CALN1: variants seen among roughly 807,000 people sequenced by gnomAD.
CALN1 encodes the protein calcium-binding protein 8.
Under a neutral mutation model 30.6 loss-of-function variants are expected in CALN1, and 17 were observed. That is an observed-to-expected ratio of 0.56 (90% CI 0.38 to 0.83). The LOEUF is 0.83. Among genes scored for constraint, CALN1 ranks in the 40% least tolerant of loss-of-function variants. CALN1 has a pLI of 0.00. For missense variants in CALN1, 291 were observed against 354.9 expected (o/e 0.82, Z 1.45); for synonymous variants, 156 against 131.4 (o/e 1.19, Z -1.28).
At chr7:72,078,606 C>T (rs563304203) in intron 4 of CALN1, among the ~76,000 whole-genome samples, 17 of 152,206 alleles carry the variant, frequency 1.1e-4, no homozygotes, top group African/African-American at 2.9e-4. Flanking sequence ...GGAGAGGAAC[C>T]GAGAAGGGCC....
At chr7:71,858,139 G>T (rs776321091) in intron 5 of CALN1, among the ~76,000 whole-genome samples, 4 of 152,114 alleles carry the variant, frequency 2.6e-5, no homozygotes, top group Non-Finnish European at 4.4e-5. Context: ...CATGGGGGTG[G>T]TTACCTCCAT....
chr7:72,365,012 A>C (rs1329623234), intron 2 of CALN1, among the ~76,000 whole-genome samples: 1 of 151,668 alleles, frequency 6.6e-6, no homozygotes, highest in Non-Finnish European at 1.5e-5. Flanking sequence ...TCTACTAAAA[A>C]TATAAAAATT....
intron 2 of CALN1, among the ~76,000 whole-genome samples, chr7:72,374,440 A>G (rs1804422924): frequency 1.3e-5 from 2 of 151,686 alleles, no homozygotes; most frequent in African/African-American, 4.8e-5. Flanking sequence ...GAGGAAGGAG[A>G]ATAGCTTGAA....
chr7:72,102,951 T>G (rs182720160), intron 4 of CALN1, among the ~76,000 whole-genome samples: 1 of 151,838 alleles, frequency 6.6e-6, no homozygotes, highest in East Asian at 1.9e-4. Context: ...TGGGCACCTG[T>G]AGGCCCAGCT....
chr7:72,344,142 A>G (rs902844418), intron 2 of CALN1, among the ~76,000 whole-genome samples: 31 of 152,220 alleles, frequency 2.0e-4, no homozygotes, highest in African/African-American at 7.5e-4. Flanking sequence ...AGGGAGAAAA[A>G]GAGAGGTTCC....
chr7:72,403,454 T>C lies in CALN1; in HGVS notation c.-73-12A>G. On this transcript the variant is annotated splice_polypyrimidine_tract_variant and intron_variant, in intron 1 of 6. Coordinates refer to ENST00000395275, the MANE Select transcript of CALN1 (RefSeq NM_031468.4). ...AAGGCACTGAGACTCTGAAAGGAGT[T>C]GACAGAAACTTACAGCCTGCACAGT... 3 of 1,093,892 alleles carry C rather than the reference T, an allele frequency of 2.7e-6. No homozygotes were observed. The highest frequency in any genetic ancestry group is 3.9e-6 in the Non-Finnish European group (3 of 767,852). 67.8% of individuals were successfully genotyped at this position (1,093,892 alleles called of 1,614,324 possible).
At chr7:71,788,041 T>A in intron 6 of CALN1, 139 bp from the exon 7 acceptor site, 1 of 1,151,622 alleles carries the variant, frequency 8.7e-7, no homozygotes, top group African/African-American at 1.5e-5. Context: ...ACTGGTCAAA[T>A]CAAGTTGACA....
intron 3 of CALN1, among the ~76,000 whole-genome samples, chr7:72,231,561 T>C (rs931823569): frequency 6.6e-6 from 1 of 152,226 alleles, no homozygotes; most frequent in Non-Finnish European, 1.5e-5. Context: ...TTCCATGTCT[T>C]TGCTGTTGTG....
At chr7:72,153,672 A>G (rs1787440616) in intron 3 of CALN1, among the ~76,000 whole-genome samples, 1 of 151,912 alleles carries the variant, frequency 6.6e-6, no homozygotes, top group South Asian at 2.1e-4. Context: ...CAGAGTGAGA[A>G]CCTGTCTCTA....
At chr7:72,377,627 T>TTTTGTAAAGTCTGTATTA (rs1299038780) in intron 2 of CALN1, among the ~76,000 whole-genome samples, 1 of 152,234 alleles carries the variant, frequency 6.6e-6, no homozygotes, top group Non-Finnish European at 1.5e-5. Context: ...TCTGAACTAA[T>TTTTGTAAAGTCTGTATTA]TTTGTAAAGT....
At chr7:71,806,273 C>CAA (rs1554341707) in intron 6 of CALN1, among the ~76,000 whole-genome samples, 11 of 149,894 alleles carry the variant, frequency 7.3e-5, no homozygotes, top group African/African-American at 2.7e-4. Flanking sequence ...CACACACAAA[C>CAA]ACACACACAC....
At chr7:71,898,014 G>GA (rs1562882185) in intron 5 of CALN1, among the ~76,000 whole-genome samples, 861 of 79,632 alleles carry the variant, frequency 0.011, 22 homozygotes, top group African/African-American at 0.05. Context: ...GGAGGGAGGG[G>GA]GGGGGAGAGA....
chr7:72,092,759 A>C (rs1294150322), intron 4 of CALN1, among the ~76,000 whole-genome samples: 1 of 152,078 alleles, frequency 6.6e-6, no homozygotes. Context: ...CCCTTTGATA[A>C]TAATCATGGC....
intron 4 of CALN1, among the ~76,000 whole-genome samples, chr7:72,094,694 G>C (rs909905565): frequency 2.6e-5 from 4 of 152,190 alleles, no homozygotes; most frequent in African/African-American, 7.2e-5. Flanking sequence ...TACTGTAGAA[G>C]ACAGACTTGC....
intron 5 of CALN1, among the ~76,000 whole-genome samples, chr7:71,931,389 C>G (rs573483283): frequency 6.6e-6 from 1 of 152,130 alleles, no homozygotes; most frequent in Non-Finnish European, 1.5e-5. Context: ...GCCTCAGCCT[C>G]TGGAGTAGCT....
At chr7:72,080,740 T>C (rs1805080213) in intron 4 of CALN1, among the ~76,000 whole-genome samples, 1 of 152,124 alleles carries the variant, frequency 6.6e-6, no homozygotes, top group Admixed American at 6.5e-5. Flanking sequence ...TATGCTCTGA[T>C]AGGTCAGAGA....
chr7:72,143,813 C>A (rs1284510354), intron 3 of CALN1, among the ~76,000 whole-genome samples: 4 of 152,110 alleles, frequency 2.6e-5, no homozygotes, highest in African/African-American at 7.2e-5. Context: ...AGAGTGGGGA[C>A]CAATATTCAA....
At chr7:72,246,646 A>G (rs975820588) in intron 3 of CALN1, among the ~76,000 whole-genome samples, 1 of 152,168 alleles carries the variant, frequency 6.6e-6, no homozygotes, top group African/African-American at 2.4e-5. Flanking sequence ...AGAAAAAAAG[A>G]CATAGAAATA....
chr7:72,426,938 A>G (rs1807817455), intron 1 of CALN1, among the ~76,000 whole-genome samples: 1 of 152,066 alleles, frequency 6.6e-6, no homozygotes. Flanking sequence ...CCCCTCCCAC[A>G]GGAGCCCCCC....
Sources: gnomAD v4.1 joint callset for allele counts (sites outside exome capture counted in the v4.1 genomes callset) on GRCh38, gnomAD v4.1.1 for gene constraint, MANE v1.5 for transcripts, NCBI Gene and HGNC (gene_info 2026-07-23, HGNC 2026-07-21) for gene names.